Variants in LRP1B observed in about 807,000 individuals in gnomAD.
The protein encoded by LRP1B is LDL receptor related protein 1B.
Under a neutral mutation model 556.6 loss-of-function variants are expected in LRP1B, and 217 were observed. That is an observed-to-expected ratio of 0.39 (90% CI 0.35 to 0.44). The LOEUF (loss-of-function observed/expected upper bound fraction) is 0.44. LRP1B is among the 20% of genes least tolerant of loss of function. The pLI is 1.00. For synonymous variants in LRP1B, 2,047 were observed against 1,865.8 expected (o/e 1.10, Z -2.50); for missense variants, 5,053 against 5,620.8 (o/e 0.90, Z 3.23).
At chr2:140,422,430 T>C (rs1380598180) in intron 66 of LRP1B, among the ~76,000 whole-genome samples, 1 of 152,172 alleles carries the variant, frequency 6.6e-6, no homozygotes, top group Non-Finnish European at 1.5e-5. Flanking sequence ...TAACACATTA[T>C]ATGACTAAAT....
chr2:140,791,218 CA>C (rs1473073028), intron 32 of LRP1B, among the ~76,000 whole-genome samples: 1 of 152,022 alleles, frequency 6.6e-6, no homozygotes, highest in East Asian at 1.9e-4. Context: ...TGCACCGCTG[CA>C]CTCCAGCCTG....
At chr2:140,888,220 A>C (rs906137156) in intron 23 of LRP1B, among the ~76,000 whole-genome samples, 7 of 152,138 alleles carry the variant, frequency 4.6e-5, no homozygotes, top group Non-Finnish European at 8.8e-5. Context: ...TACATAAAGA[A>C]AACAAAGAAT....
chr2:141,400,096 C>T (rs914967950), intron 3 of LRP1B, among the ~76,000 whole-genome samples: 1 of 151,992 alleles, frequency 6.6e-6, no homozygotes, highest in African/African-American at 2.4e-5. Flanking sequence ...AATGATTCTC[C>T]CACCTCAGGC....
intron 2 of LRP1B, among the ~76,000 whole-genome samples, chr2:141,727,612 A>G (rs1050007712): frequency 6.6e-6 from 1 of 152,164 alleles, no homozygotes; most frequent in African/African-American, 2.4e-5. Flanking sequence ...CTTAGTTATC[A>G]TGTCCTTAAA....
chr2:141,242,749 T>C (rs1683925414), intron 5 of LRP1B, among the ~76,000 whole-genome samples: 1 of 152,156 alleles, frequency 6.6e-6, no homozygotes. Context: ...GTGCAATCAG[T>C]AGAGCCCTAG....
chr2:141,603,701 A>G (rs1052899718), intron 2 of LRP1B, among the ~76,000 whole-genome samples: 1 of 152,136 alleles, frequency 6.6e-6, no homozygotes, highest in East Asian at 1.9e-4. Context: ...ACCTTACCAT[A>G]TTATTTCTTT....
chr2:141,156,738 T>C (rs1702077970), intron 7 of LRP1B, among the ~76,000 whole-genome samples: 2 of 151,990 alleles, frequency 1.3e-5, no homozygotes, highest in Admixed American at 6.6e-5. Context: ...AAAGCAAGAA[T>C]GAGCATAGGA....
chr2:140,796,221 A>C (rs956404663), intron 32 of LRP1B, among the ~76,000 whole-genome samples: 6 of 152,108 alleles, frequency 3.9e-5, no homozygotes, highest in African/African-American at 1.2e-4. Flanking sequence ...ATCACTATTT[A>C]ATGCTTTTAA....
intron 18 of LRP1B, among the ~76,000 whole-genome samples, chr2:140,952,761 G>A (rs149579444): frequency 1.3e-5 from 2 of 151,976 alleles, no homozygotes; most frequent in East Asian, 1.9e-4. Flanking sequence ...AAAAAAGAGG[G>A]GTAACAGTAG....
intron 49 of LRP1B, among the ~76,000 whole-genome samples, chr2:140,517,333 G>A (rs913170364): frequency 1.3e-5 from 2 of 152,064 alleles, no homozygotes; most frequent in South Asian, 4.1e-4. Context: ...TTAAAAAATA[G>A]ATACGACTCT....
At chr2:141,837,838 G>A (rs528740966) in intron 1 of LRP1B, among the ~76,000 whole-genome samples, 2 of 152,200 alleles carry the variant, frequency 1.3e-5, no homozygotes, top group South Asian at 4.1e-4. Flanking sequence ...TAACCTAAAT[G>A]TTCTTCATTT....
chr2:141,191,026 A>G (rs1044254765), intron 6 of LRP1B, among the ~76,000 whole-genome samples: 2 of 151,950 alleles, frequency 1.3e-5, no homozygotes, highest in African/African-American at 4.8e-5. Flanking sequence ...AAACATCCTT[A>G]TTTCCAAAGA....
Position 140,770,936 on chromosome 2 carries a change from C to T in LRP1B, c.5571G>A (p.Arg1857=), listed in dbSNP as rs1305171400. 2 of 1,587,200 alleles carry T rather than the reference C, an allele frequency of 1.3e-6. No individual in the cohort carries two copies. The highest frequency in any genetic ancestry group is 2.3e-5 in the South Asian group (2 of 86,088). Reference sequence around the variant, plus strand: ...AATATCCCACTGTACACATACAAGTCCTTGTAGTTTCAGATGTTGGTAAAC... The same window carrying T: ...AATATCCCACTGTACACATACAAGTTCTTGTAGTTTCAGATGTTGGTAAAC... The part of the protein sequence containing the change: ...QLCLPTSETT[R]TCMCTVGYYL... The change falls in exon 34 of 91, where the codon AGG becomes AGA. Residue 1857 remains arginine (R), a synonymous_variant. Coordinates refer to ENST00000389484, the MANE Select transcript of LRP1B (RefSeq NM_018557.3).
At chr2:140,885,432 C>T (rs983236759) in intron 24 of LRP1B, among the ~76,000 whole-genome samples, 1 of 151,238 alleles carries the variant, frequency 6.6e-6, no homozygotes, top group Non-Finnish European at 1.5e-5. Flanking sequence ...CTCACTGCAA[C>T]CTCCGCCTCC....
intron 66 of LRP1B, among the ~76,000 whole-genome samples, chr2:140,421,567 A>T (rs949708267): frequency 1.9e-4 from 29 of 152,134 alleles, no homozygotes; most frequent in African/African-American, 6.8e-4. Context: ...AAAGTTTATT[A>T]TTTGTCCCCT....
chr2:140,437,650 A>T (rs1372332546), intron 66 of LRP1B, among the ~76,000 whole-genome samples: 1 of 152,232 alleles, frequency 6.6e-6, no homozygotes, highest in Non-Finnish European at 1.5e-5. Context: ...ATCATGCAAC[A>T]AACAATTTCT....
chr2:141,567,770 ATTCACCTTGATT>A, intron 2 of LRP1B, among the ~76,000 whole-genome samples: 1 of 139,012 alleles, frequency 7.2e-6, no homozygotes. Flanking sequence ...ACTACTAAAG[ATTCACCTTGATT>A]AGAATTTCTT....
intron 2 of LRP1B, among the ~76,000 whole-genome samples, chr2:141,559,636 T>C (rs1026760836): frequency 3.3e-5 from 5 of 151,594 alleles, no homozygotes; most frequent in African/African-American, 1.2e-4. Flanking sequence ...TAAATTTGTT[T>C]TAAATAGGGA....
At chr2:141,929,329 A>C (rs185313381) in intron 1 of LRP1B, among the ~76,000 whole-genome samples, 1 of 152,206 alleles carries the variant, frequency 6.6e-6, no homozygotes, top group East Asian at 1.9e-4. Flanking sequence ...AATGTCAACA[A>C]TGCACTTCAT....
Sources: allele counts gnomAD v4.1 joint callset (sites outside exome capture counted in the v4.1 genomes callset), GRCh38; gene constraint gnomAD v4.1.1; transcripts MANE v1.5; gene names NCBI Gene and HGNC (gene_info 2026-07-23, HGNC 2026-07-21).